The following KMT5B variants were observed in gnomAD, a reference collection of about 807,000 sequenced individuals.
KMT5B encodes lysine methyltransferase 5B.
A neutral mutation model predicts 83.2 loss-of-function variants in KMT5B; 10 were observed. That is an observed-to-expected ratio of 0.12 (90% CI 0.07 to 0.20). KMT5B has a LOEUF of 0.20. Among genes scored for constraint, KMT5B ranks in the 10% least tolerant of loss-of-function variants. The probability of loss-of-function intolerance (pLI) is 1.00; values close to 1 mark genes in which losing one functional copy is unlikely to be tolerated. For missense variants in KMT5B, 753 were observed against 1,067.2 expected, an observed-to-expected ratio of 0.71 and a Z score of 4.10; for synonymous variants, 349 against 388.8, an observed-to-expected ratio of 0.90 and a Z score of 1.20.
At chr11:68,175,679 A>T (rs1444157450) in intron 4 of KMT5B, among the ~76,000 whole-genome samples, 1 of 152,214 alleles carries the variant, frequency 6.6e-6, no homozygotes. Context: ...TTTCAGAAGT[A>T]TGATGATGTA....
intron 4 of KMT5B, chr11:68,179,419 T>C: frequency 2.3e-6 from 3 of 1,282,210 alleles, no homozygotes; most frequent in Middle Eastern, 2.2e-4. Flanking sequence ...TTACAATTGA[T>C]TATTATTAAA....
intron 10 of KMT5B, chr11:68,166,595 A>G: frequency 9.9e-7 from 1 of 1,006,958 alleles, no homozygotes; most frequent in South Asian, 4.4e-5. Context: ...TTTCTAACAA[A>G]CTGGCTAGGC....
intron 1 of KMT5B, among the ~76,000 whole-genome samples, chr11:68,198,433 GAAA>G (rs1171250789): frequency 1.4e-5 from 2 of 140,200 alleles, no homozygotes; most frequent in African/African-American, 2.6e-5. Flanking sequence ...GAAAGGAAAG[GAAA>G]AAAGACAAGA....
chr11:68,179,788 G>A (rs918556115), intron 4 of KMT5B: 6 of 452,348 alleles, frequency 1.3e-5, no homozygotes, highest in Non-Finnish European at 2.1e-5. Flanking sequence ...GTTTGTAGAC[G>A]CTGAGTGAGG....
chr11:68,202,901 C>T (rs964417292), intron 1 of KMT5B, among the ~76,000 whole-genome samples: 1 of 151,994 alleles, frequency 6.6e-6, no homozygotes, highest in Admixed American at 6.6e-5. Flanking sequence ...GTACAAAATA[C>T]CTGTTTGAGT....
At chr11:68,207,407 C>T (rs893261139) in intron 1 of KMT5B, among the ~76,000 whole-genome samples, 4 of 152,082 alleles carry the variant, frequency 2.6e-5, no homozygotes, top group Non-Finnish European at 5.9e-5. Context: ...CTATCATCCC[C>T]ATTTTACAAA....
chr11:68,178,295 T>C (rs935450743), intron 4 of KMT5B, among the ~76,000 whole-genome samples: 5 of 152,208 alleles, frequency 3.3e-5, no homozygotes, highest in African/African-American at 1.2e-4. Flanking sequence ...ACAAGTTCAT[T>C]CCTATCTAAA....
chr11:68,189,775 G>T (rs752319167), intron 2 of KMT5B, 142 bp downstream of exon 2: 22 of 689,642 alleles, frequency 3.2e-5, no homozygotes, highest in Admixed American at 6.0e-5. Context: ...ACACAACTTT[G>T]AGAGTAAAAA....
intron 1 of KMT5B, among the ~76,000 whole-genome samples, chr11:68,204,597 A>G (rs1340819439): frequency 1.3e-5 from 2 of 148,270 alleles, no homozygotes; most frequent in Non-Finnish European, 3.0e-5. Context: ...AAACCGTGAG[A>G]GAATAAATTT....
rs1408911204 is a variant in KMT5B at position 68,157,849 on chromosome 11, CAGA to C, written c.2494_2496del (p.Ser832del). ...TAGTCATCCTCCTCTTCATCGCCCTCAGAAGAGGAGGAATCATCTGTACTTTCT... is the reference window on the plus strand; with the variant it reads ...TAGTCATCCTCCTCTTCATCGCCCTCAGAGGAGGAATCATCTGTACTTTCT... On this transcript the variant is annotated inframe_deletion, in exon 11 of 11. Coordinates refer to ENST00000304363, the MANE Select transcript of KMT5B (RefSeq NM_017635.5). The C allele has an allele frequency of 6.2e-7, 1 of 1,614,038 alleles. No homozygotes were observed. The highest frequency in any genetic ancestry group is 2.2e-5 in the East Asian group (1 of 44,882).
chr11:68,202,845 C>T (rs192457493), intron 1 of KMT5B, among the ~76,000 whole-genome samples: 26 of 152,066 alleles, frequency 1.7e-4, no homozygotes, highest in Admixed American at 3.9e-4. Flanking sequence ...CTGCACCTGG[C>T]TTTATTTCCA....
chr11:68,206,210 C>A (rs187307654), intron 1 of KMT5B, among the ~76,000 whole-genome samples: 2 of 152,238 alleles, frequency 1.3e-5, no homozygotes, highest in African/African-American at 4.8e-5. Context: ...TTTGATCCAT[C>A]TGCTTACCTA....
At chr11:68,162,153 C>T (rs1241917561) in intron 10 of KMT5B, among the ~76,000 whole-genome samples, 1 of 152,220 alleles carries the variant, frequency 6.6e-6, no homozygotes. Context: ...TCGAAAGCCA[C>T]AGCCTCCTGC....
intron 1 of KMT5B, among the ~76,000 whole-genome samples, chr11:68,205,558 G>A (rs990902730): frequency 6.6e-6 from 1 of 151,384 alleles, no homozygotes; most frequent in Non-Finnish European, 1.5e-5. Context: ...ATTTCTCATT[G>A]AGCAAAACAT....
intron 1 of KMT5B, among the ~76,000 whole-genome samples, chr11:68,202,228 G>A (rs140777131): frequency 0.013 from 1,934 of 152,304 alleles, 39 homozygotes; most frequent in African/African-American, 0.041. Context: ...AATGGAGAAT[G>A]ACATCACAAG....
chr11:68,158,142 T>C lies in KMT5B; in HGVS notation c.2204A>G (p.Asn735Ser). 2 of 1,614,220 alleles carry C rather than the reference T, an allele frequency of 1.2e-6. No homozygotes were observed. Among genetic ancestry groups the C allele is most frequent in the Non-Finnish European group, 1.7e-6 (2 of 1,180,044 alleles). Residue 735 changes from asparagine (N) to serine (S), a missense_variant, in exon 11 of 11, where the codon AAT becomes AGT. By Grantham distance (46) the Asn-to-Ser change is conservative (BLOSUM62 1). Transcript: ENST00000304363. ...DSSSKTNDQE[N>S]DGMNSSKISI... ...TATTTTGGAAGAGTTCATTCCATCA[T>C]TCTCTTGGTCATTTGTTTTGCTGCT... is the stretch of plus-strand genomic sequence containing the variant.
chr11:68,180,179 T>C lies in KMT5B; in HGVS notation c.330A>G (p.Ser110=). ...AACTGTCAGATTTTGAAAAATGCCT[T>C]GAGCTCCTCGAAGGAAAGGCGCTAT... is the stretch of plus-strand genomic sequence containing the variant. The part of the protein sequence containing the change: ...MNTSAFPSRS[S]RHFSKSDSFS... Residue 110 remains serine, a synonymous_variant, in exon 4 of 11, where the codon TCA becomes TCG. Transcript: ENST00000304363. 1.3e-6 allele frequency: 2 copies of C among 1,570,248 alleles called. No homozygotes were observed. The highest frequency in any genetic ancestry group is 1.7e-6 in the Non-Finnish European group (2 of 1,144,364).
chr11:68,177,821 G>A (rs1856526653), intron 4 of KMT5B, among the ~76,000 whole-genome samples: 1 of 152,124 alleles, frequency 6.6e-6, no homozygotes, highest in Non-Finnish European at 1.5e-5. Context: ...AAAATAAAGA[G>A]CTGTAGAATT....
At position 68,157,904 on chromosome 11, in the gene KMT5B, C is replaced by G; in HGVS notation, c.2442G>C (p.Glu814Asp). The G allele has an allele frequency of 6.2e-7, 1 of 1,614,060 alleles. No individual in the cohort carries two copies. Among genetic ancestry groups the G allele is most frequent in the Non-Finnish European group, 8.5e-7 (1 of 1,179,920 alleles). The change falls in exon 11 of 11, where the codon GAG becomes GAC. Residue 814 changes from glutamate to aspartate, a missense_variant. Glu to Asp is a conservative substitution (Grantham distance 45, BLOSUM62 2). This residue lies in a region of KMT5B where 161 missense variants were observed against 195.1 expected (regional missense o/e 0.83). Transcript: ENST00000304363. The part of the protein sequence containing the change: ...DPLSLLESRM[E>D]VDDYSQYEEE... ...CCTCATACTGACTATAGTCATCCAC[C>G]TCCATTCGAGACTCCAAGAGAGAAA...
Sources: allele counts gnomAD v4.1 joint callset (sites outside exome capture counted in the v4.1 genomes callset), GRCh38; gene constraint gnomAD v4.1.1; regional missense constraint gnomAD v4.1.1; transcripts MANE v1.5; gene names NCBI Gene and HGNC (gene_info 2026-07-23, HGNC 2026-07-21).